Variants in MICU3 observed in about 807,000 individuals in gnomAD.
MICU3 encodes the protein calcium uptake protein 3, mitochondrial.
Under a neutral mutation model 66.5 loss-of-function variants are expected in MICU3, and 62 were observed. The ratio of observed to expected loss-of-function variants is 0.93; its 90% CI spans 0.76 to 1.15. The LOEUF is 1.15. Among genes scored for constraint, MICU3 ranks in the 50% most tolerant of loss-of-function variants. MICU3 has a pLI of 0.00. For synonymous variants in MICU3, 308 were observed against 240.7 expected (o/e 1.28, Z -2.59); for missense variants, 779 against 664.4 (o/e 1.17, Z -1.90).
intron 14 of MICU3, 53 bp from the exon 15 acceptor site, chr8:17,120,235 A>C (rs1375172307): frequency 6.6e-6 from 1 of 152,074 alleles, no homozygotes; most frequent in Admixed American, 6.6e-5. Flanking sequence ...CTATCACCTC[A>C]GAATTATATC....
the MICU3 span, among the ~76,000 whole-genome samples, chr8:17,137,136 A>G: frequency 1.3e-5 from 2 of 151,884 alleles, no homozygotes; most frequent in African/African-American, 4.8e-5. Context: ...CCTTTCTTTC[A>G]CTTATCTTCA....
intron 6 of MICU3, 44 bp from the exon 7 acceptor site, chr8:17,086,920 A>C (rs199676059): frequency 7.4e-7 from 1 of 1,359,874 alleles, no homozygotes; most frequent in East Asian, 2.3e-5. Context: ...AGGTGCCCAG[A>C]AACTCTTGTT....
intron 1 of MICU3, among the ~76,000 whole-genome samples, chr8:17,033,599 G>C (rs924337193): frequency 1.5e-4 from 23 of 152,020 alleles, no homozygotes; most frequent in African/African-American, 3.4e-4. Flanking sequence ...ACCACACCCA[G>C]CTAATTTTTT....
chr8:17,104,294 T>A (rs1405597726), intron 9 of MICU3, 97 bp from the exon 10 acceptor site: 1 of 498,400 alleles, frequency 2.0e-6, no homozygotes. Context: ...ATTCTTGATG[T>A]TTGTATGTTG....
intron 1 of MICU3, among the ~76,000 whole-genome samples, chr8:17,029,521 T>C (rs13264795): frequency 3.3e-5 from 5 of 152,234 alleles, no homozygotes; most frequent in South Asian, 2.1e-4. Context: ...TTTGTACTTT[T>C]GTGCAGTTAT....
At chr8:17,030,383 G>C (rs766781275) in intron 1 of MICU3, among the ~76,000 whole-genome samples, 1 of 152,240 alleles carries the variant, frequency 6.6e-6, no homozygotes, top group African/African-American at 2.4e-5. Flanking sequence ...CTTCTTATTA[G>C]TGTAACATCC....
At chr8:17,113,913 AAAGT>A (rs1325533027) in intron 11 of MICU3, among the ~76,000 whole-genome samples, 176 bp from the exon 12 acceptor site, 1 of 152,176 alleles carries the variant, frequency 6.6e-6, no homozygotes, top group Non-Finnish European at 1.5e-5. Context: ...CTACCCAGTG[AAAGT>A]AAGTCTGAGT....
At chr8:17,099,902 C>G (rs1801110736) in intron 9 of MICU3, among the ~76,000 whole-genome samples, 1 of 151,716 alleles carries the variant, frequency 6.6e-6, no homozygotes, top group South Asian at 2.1e-4. Context: ...GGTAGACATT[C>G]TCAGTTAGAC....
In MICU3 at chr8:17,121,787, G is replaced by A. The variant is rs1803214179; in HGVS notation, c.*1500G>A. 1 of 151,962 alleles carries A rather than the reference G, an allele frequency of 6.6e-6. No individual in the cohort carries two copies. The highest frequency in any genetic ancestry group is 2.1e-4 in the South Asian group (1 of 4,822). The allele number at this position is 151,962 out of a possible 1,614,324, so 9.4% of individuals were successfully genotyped here. A position where few individuals can be genotyped will look rare whatever the true frequency, so the allele number is the denominator to read the frequency against. On this transcript the variant is annotated 3_prime_UTR_variant, in exon 15 of 15. Transcript: ENST00000318063. The stretch of plus-strand genomic sequence containing the variant: ...TGTTTATCTAATATTATTTATGACA[G>A]TAATTTTAAAATATATTATTCATAA...
intron 8 of MICU3, among the ~76,000 whole-genome samples, chr8:17,096,378 C>T (rs141367356): frequency 1.6e-3 from 244 of 151,936 alleles, no homozygotes; most frequent in African/African-American, 5.2e-3. Context: ...ATTATATTTT[C>T]GTGGTGATAA....
intron 1 of MICU3, among the ~76,000 whole-genome samples, chr8:17,037,845 A>T (rs999677259): frequency 4.6e-5 from 7 of 152,202 alleles, no homozygotes; most frequent in African/African-American, 1.7e-4. Flanking sequence ...GATCAGTGTG[A>T]CCTGGATGTG....
At chr8:17,059,191 G>T (rs1377292239) in intron 1 of MICU3, among the ~76,000 whole-genome samples, 1 of 152,130 alleles carries the variant, frequency 6.6e-6, no homozygotes, top group Admixed American at 6.6e-5. Context: ...TCCTATTTAT[G>T]CTGCTACTCA....
At position 17,120,767 on chromosome 8, in the gene MICU3, A is replaced by G. The variant is rs1054904097; in HGVS notation, c.*480A>G. The G allele has an allele frequency of 6.6e-6, 1 of 152,472 alleles. No individual in the cohort carries two copies. The highest frequency in any genetic ancestry group is 6.6e-5 in the Admixed American group (1 of 15,256). 9.4% of individuals were successfully genotyped at this position (152,472 alleles called of 1,614,324 possible). On this transcript the variant is annotated 3_prime_UTR_variant, in exon 15 of 15. Transcript: ENST00000318063. ...TGAGATTTATAATACCCTTAGAATT[A>G]AATTCCTGTTATTTGCCCAGTTTTT...
At chr8:17,066,635 G>GAGGCTCA (rs1239451431) in intron 2 of MICU3, among the ~76,000 whole-genome samples, 2 of 147,422 alleles carry the variant, frequency 1.4e-5, no homozygotes, top group African/African-American at 5.1e-5. Context: ...CTCAACCTCC[G>GAGGCTCA]AGGCTCAAGT....
downstream of MICU3, among the ~76,000 whole-genome samples, chr8:17,123,302 G>T (rs1367362205): frequency 2.0e-5 from 3 of 152,088 alleles, no homozygotes; most frequent in South Asian, 2.1e-4. Context: ...ACCTATAATT[G>T]TGACTATACG....
the MICU3 span, among the ~76,000 whole-genome samples, chr8:17,135,721 A>G: frequency 6.6e-6 from 1 of 152,060 alleles, no homozygotes; most frequent in Admixed American, 6.6e-5. Flanking sequence ...GATCTCTGTA[A>G]TTGTTCAAAT....
intron 5 of MICU3, among the ~76,000 whole-genome samples, chr8:17,084,091 C>T (rs929021475): frequency 6.6e-6 from 1 of 152,026 alleles, no homozygotes; most frequent in African/African-American, 2.4e-5. Context: ...ATATTGTTTA[C>T]ATTAGAACTA....
At chr8:17,054,158 C>G (rs147114259) in intron 1 of MICU3, among the ~76,000 whole-genome samples, 1 of 152,164 alleles carries the variant, frequency 6.6e-6, no homozygotes, top group African/African-American at 2.4e-5. Flanking sequence ...CTATATTTTC[C>G]TATTCGGTGA....
chr8:17,070,630 A>G (rs1201343953), intron 3 of MICU3, among the ~76,000 whole-genome samples: 1 of 141,246 alleles, frequency 7.1e-6, no homozygotes, highest in Non-Finnish European at 1.6e-5. Context: ...TTATATTTTT[A>G]TAGATATGTT....
Sources: allele counts gnomAD v4.1 joint callset (sites outside exome capture counted in the v4.1 genomes callset), GRCh38; gene constraint gnomAD v4.1.1; transcripts MANE v1.5; gene names NCBI Gene and HGNC (gene_info 2026-07-23, HGNC 2026-07-21).